TTC29: variants seen among roughly 807,000 people sequenced by gnomAD.
TTC29 encodes tetratricopeptide repeat domain 29, also known as tetratricopeptide repeat protein 29.
In TTC29, 49 loss-of-function variants were observed where a neutral mutation model predicts 58.1. The ratio of observed to expected loss-of-function variants is 0.84; its 90% CI spans 0.67 to 1.07. The LOEUF is 1.07. Ranked by LOEUF, TTC29 falls within the 50% of genes least tolerant of loss-of-function variation. TTC29 has a pLI of 0.00. For missense variants in TTC29, 582 were observed against 555.6 expected (o/e 1.05, Z -0.48); for synonymous variants, 209 against 196.8 (o/e 1.06, Z -0.52).
chr4:146,724,442 C>T (rs1743613843), intron 11 of TTC29, among the ~76,000 whole-genome samples: 1 of 152,062 alleles, frequency 6.6e-6, no homozygotes, highest in African/African-American at 2.4e-5. Flanking sequence ...ATTATTTGCT[C>T]CTTTTACAAG....
intron 4 of TTC29, among the ~76,000 whole-genome samples, chr4:146,926,540 T>C (rs963793639): frequency 1.3e-5 from 2 of 152,062 alleles, no homozygotes; most frequent in South Asian, 2.1e-4. Context: ...AATGGTGCAA[T>C]CTTGGCTCAC....
chr4:146,933,477 G>T (rs1735505248), intron 4 of TTC29, among the ~76,000 whole-genome samples: 1 of 152,132 alleles, frequency 6.6e-6, no homozygotes, highest in South Asian at 2.1e-4. Context: ...AGTTCTTTTT[G>T]AAAACAATAA....
At chr4:146,892,784 C>G (rs1324857546) in intron 6 of TTC29, among the ~76,000 whole-genome samples, 1 of 152,086 alleles carries the variant, frequency 6.6e-6, no homozygotes, top group Non-Finnish European at 1.5e-5. Flanking sequence ...TCTAGAAAAC[C>G]CCATTGTCTC....
Position 146,720,106 on chromosome 4 carries a change from C to T in TTC29, c.1331-12555G>A, listed in dbSNP as rs72956282. Among the ~76,000 whole-genome samples, 840 of 152,134 alleles carry T rather than the reference C, an allele frequency of 5.5e-3. 6 individuals are homozygous for T. Among genetic ancestry groups the T allele is most frequent in the African/African-American group, 0.02 (815 of 41,494 alleles). ...TCTTTATCACTGAGAAAATTGATTA[C>T]ACTTGTTAATTTGGCTTTTAATCCT... On this transcript the variant is annotated intron_variant, in intron 11 of 12. Coordinates refer to ENST00000325106, the MANE Select transcript of TTC29 (RefSeq NM_031956.4).
chr4:146,778,758 T>C lies in TTC29; in HGVS notation c.1330+24699A>G, dbSNP rs1579651551. Among the ~76,000 whole-genome samples, 3 of 151,852 alleles carry C rather than the reference T, an allele frequency of 2.0e-5. No individual in the cohort carries two copies. The East Asian group carries it at 5.8e-4, about 29-fold the overall frequency. On this transcript the variant is annotated intron_variant, in intron 11 of 12. Transcript: ENST00000325106. ...ATCAAATACCATGCGTTCTCACTTA[T>C]AAGCAGGAGTGAAACAACAGGTATA...
At chr4:146,781,621 C>A (rs1298141505) in intron 11 of TTC29, among the ~76,000 whole-genome samples, 1 of 151,806 alleles carries the variant, frequency 6.6e-6, no homozygotes, top group African/African-American at 2.4e-5. Flanking sequence ...TATATAAAAC[C>A]AACTCACTAT....
chr4:146,813,128 T>C (rs1312359241), intron 10 of TTC29: 2 of 152,242 alleles, frequency 1.3e-5, no homozygotes, highest in Non-Finnish European at 2.9e-5. Context: ...ATTATTTTGA[T>C]TTTTAGTGTC....
At chr4:146,825,945 A>ATTTTTT (rs1236500705) in intron 9 of TTC29, among the ~76,000 whole-genome samples, 18 of 133,878 alleles carry the variant, frequency 1.3e-4, no homozygotes, top group African/African-American at 1.4e-4. Context: ...TTTTTTAAAA[A>ATTTTTT]AATTTCCATT....
chr4:146,712,454 G>A (rs1742572382), intron 11 of TTC29, among the ~76,000 whole-genome samples: 1 of 152,130 alleles, frequency 6.6e-6, no homozygotes, highest in Admixed American at 6.6e-5. Context: ...GGTCTACCTT[G>A]TAACTGATGG....
intron 11 of TTC29, among the ~76,000 whole-genome samples, chr4:146,792,991 G>C (rs1297371826): frequency 6.6e-6 from 1 of 152,194 alleles, no homozygotes; most frequent in African/African-American, 2.4e-5. Context: ...CTGAATATCT[G>C]AGTGAATTGG....
intron 11 of TTC29, among the ~76,000 whole-genome samples, chr4:146,744,766 A>G (rs1410781007): frequency 1.3e-5 from 2 of 152,148 alleles, no homozygotes; most frequent in Non-Finnish European, 2.9e-5. Context: ...GGCAGAGATT[A>G]CATTTATATT....
chr4:146,757,784 A>G (rs1456200851), intron 11 of TTC29, among the ~76,000 whole-genome samples: 1 of 152,196 alleles, frequency 6.6e-6, no homozygotes, highest in East Asian at 1.9e-4. Context: ...ATTCATCATT[A>G]CCAAGCTGCC....
At chr4:146,865,644 C>T (rs1005391702) in intron 8 of TTC29, among the ~76,000 whole-genome samples, 14 of 152,150 alleles carry the variant, frequency 9.2e-5, no homozygotes, top group African/African-American at 3.4e-4. Flanking sequence ...CACATGTACC[C>T]CTGAATCTAA....
At chr4:146,741,493 T>G (rs1486818376) in intron 11 of TTC29, among the ~76,000 whole-genome samples, 1 of 152,142 alleles carries the variant, frequency 6.6e-6, no homozygotes, top group African/African-American at 2.4e-5. Flanking sequence ...TGTTCTTTTT[T>G]TTTTTTTTGC....
chr4:146,796,696 C>T (rs562600796), intron 11 of TTC29, among the ~76,000 whole-genome samples: 129 of 152,192 alleles, frequency 8.5e-4, no homozygotes, highest in African/African-American at 3.1e-3. Context: ...CAACTGGATA[C>T]ATATTTAGGG....
rs573763991 is a variant in TTC29, at chr4:146,945,772, G to A, written c.-117C>T. 5.8e-4 allele frequency: 89 copies of A among 152,554 alleles called. No homozygotes were observed. The highest frequency in any genetic ancestry group is 3.4e-3 in the Middle Eastern group (1 of 294). The allele number at this position is 152,554 out of a possible 1,614,324, so 9.5% of individuals were successfully genotyped here. On this transcript the variant is annotated 5_prime_UTR_variant, in exon 1 of 13. Coordinates refer to ENST00000325106, the MANE Select transcript of TTC29 (RefSeq NM_031956.4). ...GTTCCGCCGAAGTCAGTCCCCCACC[G>A]GCGGCAGGTGCTGGGCGTTGGCGCT...
In TTC29 at chr4:146,792,464, G is replaced by A. The variant is rs544294517; in HGVS notation, c.1330+10993C>T. ...GCTTAGAAAAAAGATTCTTCTCAAA[G>A]TATTACTGCTCATTGATAATGCATC... is the stretch of plus-strand genomic sequence containing the variant. On this transcript the variant is annotated intron_variant, in intron 11 of 12. Transcript: ENST00000325106. Among the ~76,000 whole-genome samples, 43 of 152,230 alleles carry A rather than the reference G, an allele frequency of 2.8e-4. 1 individual carries two copies. In the South Asian group the frequency reaches 5.6e-3, roughly 20 times the overall value.
intron 9 of TTC29, 130 bp from the exon 10 acceptor site, chr4:146,820,378 A>C (rs1751735860): frequency 9.6e-7 from 1 of 1,039,346 alleles, no homozygotes; most frequent in African/African-American, 1.6e-5. Flanking sequence ...TAATGTGTAA[A>C]TACCAAATTA....
chr4:146,887,462 T>G (rs1289653119), intron 6 of TTC29, among the ~76,000 whole-genome samples: 1 of 152,086 alleles, frequency 6.6e-6, no homozygotes, highest in Non-Finnish European at 1.5e-5. Context: ...GTGTAGAGTA[T>G]GATAGGGAGA....
Sources: gnomAD v4.1 joint callset for allele counts (sites outside exome capture counted in the v4.1 genomes callset) on GRCh38, gnomAD v4.1.1 for gene constraint, MANE v1.5 for transcripts, NCBI Gene and HGNC (gene_info 2026-07-23, HGNC 2026-07-21) for gene names.